PTPRU: variants seen among roughly 807,000 people sequenced by gnomAD.
PTPRU encodes the protein protein tyrosine phosphatase receptor type U.
A neutral mutation model predicts 166.3 loss-of-function variants in PTPRU; 69 were observed. That is an observed-to-expected ratio of 0.41 (90% CI 0.34 to 0.51). The LOEUF (loss-of-function observed/expected upper bound fraction) is 0.51, where lower values mean the gene tolerates loss of function less well. Among genes scored for constraint, PTPRU ranks in the 20% least tolerant of loss-of-function variants. The probability of loss-of-function intolerance (pLI) is 0.09; values close to 1 mark genes in which losing one functional copy is unlikely to be tolerated. For synonymous variants in PTPRU, 793 were observed against 814.0 expected (o/e 0.97, Z 0.44); for missense variants, 1,657 against 2,013.7 (o/e 0.82, Z 3.39).
In PTPRU at chr1:29,291,932, C is replaced by T. The variant is rs41302038; in HGVS notation, c.2382C>T (p.Ser794=). 505 of 1,614,170 alleles carry T rather than the reference C, an allele frequency of 3.1e-4. No homozygotes were observed. Among genetic ancestry groups the T allele is most frequent in the Non-Finnish European group, 4.0e-4 (477 of 1,180,030 alleles). ...NYRQEKTHMM[S]AVDRSFTDQS... Reference sequence around the variant, plus strand: ...GCCAGGAGAAGACACACATGATGAGCGCCGTGGACCGCAGCTTCACAGACC... The same window carrying T: ...GCCAGGAGAAGACACACATGATGAGTGCCGTGGACCGCAGCTTCACAGACC... The change falls in exon 15 of 30, where the codon AGC becomes AGT. Residue 794 remains serine, a synonymous_variant. Transcript: ENST00000373779. This position sits in a 1 kb window ranked among gnomAD's most constrained non-coding sequence, Gnocchi z 4.1.
Position 29,317,761 on chromosome 1 carries a change from T to C in PTPRU, c.3527T>C (p.Val1176Ala). 6.2e-7 allele frequency: 1 copy of C among 1,608,962 alleles called. No homozygotes were observed. The highest frequency in any genetic ancestry group is 8.5e-7 in the Non-Finnish European group (1 of 1,179,538). ...CGCTCCCTGTAGACGCTGAACTCGG[T>C]CACCCCGCCGCTGGACGTGGAGGAG... Reference protein sequence around the residue: ...LREEFQTLNSVTPPLDVEECS... With the variant: ...LREEFQTLNSATPPLDVEECS... The change falls in exon 25 of 30, where the codon GTC becomes GCC. Residue 1176 changes from valine to alanine, a missense_variant. By Grantham distance (64) the Val-to-Ala change is moderately conservative. Coordinates refer to ENST00000373779, the MANE Select transcript of PTPRU (RefSeq NM_133178.4). The surrounding 1 kb of genome is among the most constrained non-coding windows in gnomAD (Gnocchi z 5.6).
intron 15 of PTPRU, among the ~76,000 whole-genome samples, chr1:29,298,931 G>C (rs992098650): frequency 2.0e-5 from 3 of 152,226 alleles, no homozygotes; most frequent in African/African-American, 7.2e-5. Context: ...CACTCAATAT[G>C]TTAGATATGG....
rs1174315810 is a variant in PTPRU at position 29,237,890 on chromosome 1, T to C, written c.73+1173T>C. ...GCCCCGGGCGGCCGGGCGGGGGCTG[T>C]CCCCGGGCTGGGCTGCGACGTCCGG... On this transcript the variant is annotated intron_variant, in intron 1 of 29. Coordinates refer to ENST00000373779, the MANE Select transcript of PTPRU (RefSeq NM_133178.4). The surrounding 1 kb of genome is among the most constrained non-coding windows in gnomAD (Gnocchi z 6.4). Among the ~76,000 whole-genome samples, 1 of 146,852 alleles carries C rather than the reference T, an allele frequency of 6.8e-6. No homozygotes were observed. The highest frequency in any genetic ancestry group is 2.0e-4 in the East Asian group (1 of 5,046).
chr1:29,305,843 A>G (rs929731703), intron 18 of PTPRU, among the ~76,000 whole-genome samples: 48 of 152,078 alleles, frequency 3.2e-4, no homozygotes, highest in African/African-American at 1.1e-3. Context: ...GGGAGTTGTT[A>G]AAGTGTTTTG....
intron 14 of PTPRU, among the ~76,000 whole-genome samples, chr1:29,288,093 G>A (rs2151956285): frequency 6.6e-6 from 1 of 152,266 alleles, no homozygotes; most frequent in East Asian, 1.9e-4. Flanking sequence ...GGGATTATAG[G>A]CCTACCTGAG....
At chr1:29,306,373 A>T (rs1426694558) in intron 18 of PTPRU, among the ~76,000 whole-genome samples, 1 of 152,236 alleles carries the variant, frequency 6.6e-6, no homozygotes, top group East Asian at 1.9e-4. Context: ...CCTTTGTGCC[A>T]TGCATTGTGC....
rs776630726 is a variant in PTPRU, at chr1:29,323,357, G to A, written c.3829-14G>A. 8 of 1,603,218 alleles carry A rather than the reference G, an allele frequency of 5.0e-6. No individual in the cohort carries two copies. Among genetic ancestry groups the A allele is most frequent in the Non-Finnish European group, 6.8e-6 (8 of 1,175,250 alleles). On this transcript the variant is annotated splice_polypyrimidine_tract_variant and intron_variant, in intron 26 of 29. Coordinates refer to ENST00000373779, the MANE Select transcript of PTPRU (RefSeq NM_133178.4). Reference sequence around the variant, plus strand: ...GGCTCTACTCAGCTCTCCCCTCTCCGTGCTTATGCCCAGCCCTGCCTGCAG... The same window carrying A: ...GGCTCTACTCAGCTCTCCCCTCTCCATGCTTATGCCCAGCCCTGCCTGCAG...
At chr1:29,284,459 C>T (rs1338705709) in intron 13 of PTPRU, among the ~76,000 whole-genome samples, 1 of 152,140 alleles carries the variant, frequency 6.6e-6, no homozygotes, top group Non-Finnish European at 1.5e-5. Context: ...TCTGCTCTCC[C>T]CTATCCACTG....
At chr1:29,318,738 C>G (rs1436285716) in intron 25 of PTPRU, among the ~76,000 whole-genome samples, 1 of 152,210 alleles carries the variant, frequency 6.6e-6, no homozygotes, top group African/African-American at 2.4e-5. Context: ...CCTTTACTGG[C>G]AGGGAGCAGG....
rs1439011785 is a variant in PTPRU at position 29,263,526 on chromosome 1, T to C, written c.1144+2623T>C. Among the ~76,000 whole-genome samples the C allele has an allele frequency of 2.0e-5, 3 of 152,260 alleles. No individual in the cohort carries two copies. The East Asian group carries it at 5.8e-4, about 29-fold the overall frequency. On this transcript the variant is annotated intron_variant, in intron 7 of 29. Coordinates refer to ENST00000373779, the MANE Select transcript of PTPRU (RefSeq NM_133178.4). Reference sequence around the variant, plus strand: ...TTTCATTTTTCTTATGTACCATATATATCATAAGATATCTCTGTGTTTATT... The same window carrying C: ...TTTCATTTTTCTTATGTACCATATACATCATAAGATATCTCTGTGTTTATT...
chr1:29,293,699 C>T (rs570261004), intron 15 of PTPRU, among the ~76,000 whole-genome samples: 1 of 152,166 alleles, frequency 6.6e-6, no homozygotes, highest in African/African-American at 2.4e-5. Context: ...TGGTCTCGAT[C>T]TCCTGACCTC....
rs749755584 is a variant in PTPRU, at chr1:29,311,307, T to A, written c.2858-149T>A. 9.9e-6 allele frequency: 7 copies of A among 709,634 alleles called. No individual in the cohort carries two copies. Among genetic ancestry groups the A allele is most frequent in the Non-Finnish European group, 1.4e-5 (6 of 425,300 alleles). 44.0% of individuals were successfully genotyped at this position (709,634 alleles called of 1,614,324 possible). A position where few individuals can be genotyped will look rare whatever the true frequency, so the allele number is the denominator to read the frequency against. On this transcript the variant is annotated intron_variant, in intron 19 of 29. Coordinates refer to ENST00000373779, the MANE Select transcript of PTPRU (RefSeq NM_133178.4). This position sits in a 1 kb window ranked among gnomAD's most constrained non-coding sequence, Gnocchi z 4.1. ...CAGGGCCCTACAGGCATGCGTCAGCTGCAAGCTGGGTGTTGTGGGCAGCAT... is the reference window on the plus strand; with the variant it reads ...CAGGGCCCTACAGGCATGCGTCAGCAGCAAGCTGGGTGTTGTGGGCAGCAT...
chr1:29,307,167 C>G (rs941828484), intron 18 of PTPRU: 1 of 1,576,464 alleles, frequency 6.3e-7, no homozygotes, highest in Non-Finnish European at 8.7e-7. Context: ...CTCTCCCCTT[C>G]TCCTCCTCCT....
chr1:29,272,983 G>A (rs965317431), intron 7 of PTPRU, among the ~76,000 whole-genome samples: 4 of 152,016 alleles, frequency 2.6e-5, no homozygotes, highest in Non-Finnish European at 4.4e-5. Context: ...TTGTATAGCG[G>A]TGCTTTCTCA....
At chr1:29,284,531 A>G (rs567947613) in intron 13 of PTPRU, among the ~76,000 whole-genome samples, 200 bp from the exon 14 acceptor site, 42 of 152,326 alleles carry the variant, frequency 2.8e-4, no homozygotes, top group African/African-American at 9.9e-4. Flanking sequence ...AAGGAGCCAT[A>G]TCAGTGAGGA....
At chr1:29,263,787 C>T (rs1418765916) in intron 7 of PTPRU, among the ~76,000 whole-genome samples, 2 of 152,090 alleles carry the variant, frequency 1.3e-5, no homozygotes, top group Non-Finnish European at 2.9e-5. Flanking sequence ...ATTTCTATAT[C>T]TTCTTTGTAG....
chr1:29,270,396 T>A (rs941047039), intron 7 of PTPRU, among the ~76,000 whole-genome samples: 1 of 152,060 alleles, frequency 6.6e-6, no homozygotes, highest in Admixed American at 6.6e-5. Flanking sequence ...TTCCTCTACC[T>A]CCCGGGCTGA....
At position 29,282,824 on chromosome 1, in the gene PTPRU, A is replaced by G. The variant is rs746539126; in HGVS notation, c.2017A>G (p.Ser673Gly). 2 of 1,614,158 alleles carry G rather than the reference A, an allele frequency of 1.2e-6. No individual in the cohort carries two copies. The highest frequency in any genetic ancestry group is 3.3e-5 in the Admixed American group (2 of 60,024). The change falls in exon 12 of 30, where the codon AGT (serine) becomes GGT (glycine). Residue 673 changes from serine (S) to glycine (G), a missense_variant. Transcript: ENST00000373779. Reference sequence around the variant, plus strand: ...CTTCGGGGCCGAACTGGCGGCCAGCAGTCTACCTGAGGCCATGCCCTTTAC... The same window carrying G: ...CTTCGGGGCCGAACTGGCGGCCAGCGGTCTACCTGAGGCCATGCCCTTTAC... ...HYFGAELAAS[S>G]LPEAMPFTVG... is the part of the protein sequence containing the mutation.
At chr1:29,278,882 G>A (rs1031020628) in intron 8 of PTPRU, 130 bp from the exon 9 acceptor site, 1 of 661,290 alleles carries the variant, frequency 1.5e-6, no homozygotes, top group Non-Finnish European at 2.6e-6. Context: ...TCACAGCTGA[G>A]TTAAGTAAGG....
Sources: gnomAD v4.1 joint callset for allele counts (sites outside exome capture counted in the v4.1 genomes callset) on GRCh38, gnomAD v4.1.1 for gene constraint, Gnocchi (gnomAD v3.1) non-coding constraint, MANE v1.5 for transcripts, NCBI Gene and HGNC (gene_info 2026-07-23, HGNC 2026-07-21) for gene names.